Variants in RERE observed in about 807,000 individuals in gnomAD.
RERE encodes arginine-glutamic acid dipeptide repeats, also known as arginine-glutamic acid dipeptide repeats protein.
RERE carries 40 observed loss-of-function variants against 146.1 expected under a neutral mutation model. The ratio of observed to expected loss-of-function variants is 0.27; its 90% CI spans 0.21 to 0.36. RERE has a LOEUF of 0.36. Among genes scored for constraint, RERE ranks in the 10% least tolerant of loss-of-function variants. RERE has a pLI of 1.00. For synonymous variants in RERE, 1,003 were observed against 866.0 expected (o/e 1.16, Z -2.78); for missense variants, 1,933 against 2,138.7 (o/e 0.90, Z 1.90).
At chr1:8,523,909 G>A (rs1429728921) in intron 7 of RERE, among the ~76,000 whole-genome samples, 1 of 152,192 alleles carries the variant, frequency 6.6e-6, no homozygotes, top group Non-Finnish European at 1.5e-5. Flanking sequence ...TAACTGTAAA[G>A]AAAGTTTCAG....
At chr1:8,614,729 A>G (rs202229805) in intron 3 of RERE, 43 bp from the exon 4 acceptor site, 1 of 1,570,356 alleles carries the variant, frequency 6.4e-7, no homozygotes, top group Non-Finnish European at 8.6e-7. Flanking sequence ...CCAACGCCCC[A>G]TCATGCCCTG....
intron 2 of RERE, among the ~76,000 whole-genome samples, chr1:8,638,545 C>T (rs1006139334): frequency 1.3e-5 from 2 of 152,140 alleles, no homozygotes; most frequent in African/African-American, 4.8e-5. Context: ...TTCAGATTTA[C>T]AAGTGGTGGC....
intron 4 of RERE, among the ~76,000 whole-genome samples, chr1:8,593,237 A>T (rs1394046097): frequency 6.6e-5 from 10 of 152,206 alleles, no homozygotes; most frequent in Non-Finnish European, 1.2e-4. Flanking sequence ...GAATGGGCCT[A>T]AAATAGCTTT....
chr1:8,732,863 C>T (rs1208221006), intron 1 of RERE, among the ~76,000 whole-genome samples: 1 of 136,696 alleles, frequency 7.3e-6, no homozygotes, highest in East Asian at 2.2e-4. Context: ...GCTCTGTCAC[C>T]CAGGCTGGAG....
intron 12 of RERE, among the ~76,000 whole-genome samples, chr1:8,401,877 A>AT (rs974086776): frequency 6.6e-6 from 1 of 151,728 alleles, no homozygotes; most frequent in African/African-American, 2.4e-5. Context: ...ATTTTATTTT[A>AT]TTTTTTTGAG....
intron 1 of RERE, among the ~76,000 whole-genome samples, chr1:8,715,454 T>G (rs113713653): frequency 6.6e-6 from 1 of 152,012 alleles, no homozygotes; most frequent in Non-Finnish European, 1.5e-5. Flanking sequence ...GAGGTTTTGG[T>G]AAGCCGAGAT....
In RERE at chr1:8,540,470, G is replaced by C. The variant is rs180703509; in HGVS notation, c.830+744C>G. Reference sequence around the variant, plus strand: ...TGTATAAACATGTCTTGGGTGTCCAGAGCATATATTACTTGATCAGTGGCT... The same window carrying C: ...TGTATAAACATGTCTTGGGTGTCCACAGCATATATTACTTGATCAGTGGCT... On this transcript the variant is annotated intron_variant, in intron 7 of 22. Coordinates refer to ENST00000400908, the MANE Select transcript of RERE (RefSeq NM_001042681.2). 2.0e-5 allele frequency among the ~76,000 whole-genome samples: 3 copies of C among 152,246 alleles called. 1 individual carries two copies. The East Asian group carries it at 5.8e-4, about 29-fold the overall frequency.
rs1254125850 is a variant in RERE, at chr1:8,500,943, C to T, written c.880-3414G>A. ...GAAACCCTCTGCCTGGCAACCGCCCCGTCTGAGAAGTGAGGAGCCCCTCCA... is the reference window on the plus strand; with the variant it reads ...GAAACCCTCTGCCTGGCAACCGCCCTGTCTGAGAAGTGAGGAGCCCCTCCA... On this transcript the variant is annotated intron_variant, in intron 8 of 22. Coordinates refer to ENST00000400908, the MANE Select transcript of RERE (RefSeq NM_001042681.2). 1.0e-4 allele frequency among the ~76,000 whole-genome samples: 15 copies of T among 149,998 alleles called. No homozygotes were observed. The East Asian group carries it at 1.0e-3, about 10-fold the overall frequency.
chr1:8,570,815 A>G (rs1646213151), intron 4 of RERE, among the ~76,000 whole-genome samples: 1 of 152,248 alleles, frequency 6.6e-6, no homozygotes, highest in African/African-American at 2.4e-5. Flanking sequence ...CTCCCGAAAC[A>G]GCACAATGAC....
chr1:8,712,207 G>T (rs1223208774), intron 1 of RERE, among the ~76,000 whole-genome samples: 3 of 152,202 alleles, frequency 2.0e-5, no homozygotes, highest in Non-Finnish European at 4.4e-5. Context: ...GTGGTTTCTT[G>T]TGTTTTCTTC....
chr1:8,655,448 C>T (rs1190270155), intron 2 of RERE, among the ~76,000 whole-genome samples: 1 of 152,106 alleles, frequency 6.6e-6, no homozygotes, highest in Non-Finnish European at 1.5e-5. Context: ...CTCAGGTCAC[C>T]ACCCGCCTCA....
intron 1 of RERE, among the ~76,000 whole-genome samples, chr1:8,815,501 G>A (rs1365194044): frequency 2.0e-5 from 3 of 152,088 alleles, no homozygotes; most frequent in East Asian, 1.9e-4. Context: ...ATATAAAGAG[G>A]GATTTTATCT....
In RERE at chr1:8,441,809, T is replaced by C. The variant is rs1240482960; in HGVS notation, c.1204-19002A>G. 2.0e-5 allele frequency among the ~76,000 whole-genome samples: 3 copies of C among 152,168 alleles called. No homozygotes were observed. In the East Asian group the frequency reaches 5.8e-4, roughly 29 times the overall value. The stretch of plus-strand genomic sequence containing the variant: ...AAATGTTAAGCAAAAATGAAAATTA[T>C]ATCAACATTTACATTATTTCGTTGT... On this transcript the variant is annotated intron_variant, in intron 11 of 22. Coordinates refer to ENST00000400908, the MANE Select transcript of RERE (RefSeq NM_001042681.2).
intron 8 of RERE, among the ~76,000 whole-genome samples, chr1:8,502,360 C>T (rs1290404833): frequency 8.4e-6 from 1 of 119,450 alleles, no homozygotes; most frequent in African/African-American, 3.4e-5. Flanking sequence ...CCCCGCCCGG[C>T]CAGCCGCCCT....
chr1:8,809,372 G>A (rs1641750612), intron 1 of RERE, among the ~76,000 whole-genome samples: 2 of 152,104 alleles, frequency 1.3e-5, no homozygotes, highest in Admixed American at 1.3e-4. Context: ...TAGGTTTATG[G>A]TAGCATCTCT....
chr1:8,374,674 T>G (rs1436549184), intron 12 of RERE, among the ~76,000 whole-genome samples: 2 of 152,230 alleles, frequency 1.3e-5, no homozygotes, highest in Non-Finnish European at 2.9e-5. Context: ...CAAAGGTTCC[T>G]CAGGGCCTAA....
At chr1:8,552,973 ACAC>A (rs909360815) in intron 6 of RERE, among the ~76,000 whole-genome samples, 10 of 151,454 alleles carry the variant, frequency 6.6e-5, no homozygotes, top group South Asian at 2.1e-4. Context: ...AACACTCATG[ACAC>A]CACACCAGTA....
chr1:8,416,444 G>C (rs1643767201), intron 12 of RERE, among the ~76,000 whole-genome samples: 1 of 152,030 alleles, frequency 6.6e-6, no homozygotes, highest in South Asian at 2.1e-4. Context: ...AAATTAGCCA[G>C]GCGTGGTGGC....
chr1:8,610,180 A>G (rs1202458276), intron 4 of RERE, among the ~76,000 whole-genome samples: 1 of 152,254 alleles, frequency 6.6e-6, no homozygotes, highest in Non-Finnish European at 1.5e-5. Context: ...ATAGTCAAAA[A>G]GTAAAGATCC....
Sources: allele counts gnomAD v4.1 joint callset (sites outside exome capture counted in the v4.1 genomes callset), GRCh38; gene constraint gnomAD v4.1.1; transcripts MANE v1.5; gene names NCBI Gene and HGNC (gene_info 2026-07-23, HGNC 2026-07-21).